The following ATF7IP variants were observed in gnomAD, a reference collection of about 807,000 sequenced individuals.
ATF7IP encodes activating transcription factor 7 interacting protein.
A neutral mutation model predicts 106.4 loss-of-function variants in ATF7IP; 23 were observed. The ratio of observed to expected loss-of-function variants is 0.22; its 90% CI spans 0.16 to 0.31. ATF7IP has a LOEUF of 0.31. ATF7IP is among the 10% of genes least tolerant of loss of function. ATF7IP has a pLI of 1.00. For synonymous variants in ATF7IP, 542 were observed against 539.0 expected (o/e 1.01, Z -0.08); for missense variants, 1,334 against 1,524.3 (o/e 0.88, Z 2.08).
intron 13 of ATF7IP, among the ~76,000 whole-genome samples, chr12:14,489,338 G>T (rs1302315562): frequency 1.3e-5 from 2 of 152,182 alleles, no homozygotes; most frequent in South Asian, 4.1e-4. Context: ...TGACTTAAAG[G>T]TAGGAGGATC....
In ATF7IP at chr12:14,498,181, G is replaced by A; in HGVS notation, c.*108G>A. ...AAATCCACCTTGTGCAAGATTTCTT[G>A]GACAGATGTGTGTATACACTACATT... On this transcript the variant is annotated 3_prime_UTR_variant, in exon 15 of 15. Transcript: ENST00000261168. The A allele has an allele frequency of 9.3e-7, 1 of 1,076,000 alleles. No individual in the cohort carries two copies. The highest frequency in any genetic ancestry group is 1.3e-6 in the Non-Finnish European group (1 of 746,582). 66.7% of individuals were successfully genotyped at this position (1,076,000 alleles called of 1,614,324 possible). A position where few individuals can be genotyped will look rare whatever the true frequency, so the allele number is the denominator to read the frequency against.
Position 14,424,102 on chromosome 12 carries a change from G to A in ATF7IP, c.187G>A (p.Asp63Asn). The A allele has an allele frequency of 6.2e-7, 1 of 1,614,152 alleles. No homozygotes were observed. Among genetic ancestry groups the A allele is most frequent in the Non-Finnish European group, 8.5e-7 (1 of 1,180,030 alleles). Residue 63 changes from aspartate (D) to asparagine (N), a missense_variant, in exon 2 of 15, where the codon GAT (aspartate) becomes AAT (asparagine). Around this residue, in one of 10 missense-constraint regions of ATF7IP, gnomAD observed 74 missense variants for 101.9 expected, o/e 0.73. Transcript: ENST00000261168. ...LDPTSPLENMDYIKDKEEVNG... is the reference protein window; with the variant it reads ...LDPTSPLENMNYIKDKEEVNG... ...CCCAACCTCACCTTTGGAAAACATG[G>A]ATTACATTAAAGACAAGGAAGAGGT...
At chr12:14,378,879 A>T (rs1249805653) in intron 1 of ATF7IP, among the ~76,000 whole-genome samples, 1 of 152,230 alleles carries the variant, frequency 6.6e-6, no homozygotes, top group Non-Finnish European at 1.5e-5. Context: ...TTTATTTAAA[A>T]GACTTAATTT....
rs558122003 is a variant in ATF7IP at position 14,393,737 on chromosome 12, C to T, written c.-8+27910C>T. On this transcript the variant is annotated intron_variant, in intron 1 of 14. Transcript: ENST00000261168. ...TCTTTTCATTTTGTTATTTCAGATGCGGGACTAAACTAGTTTCTGGATTGT... is the reference window on the plus strand; with the variant it reads ...TCTTTTCATTTTGTTATTTCAGATGTGGGACTAAACTAGTTTCTGGATTGT... Among the ~76,000 whole-genome samples the T allele has an allele frequency of 3.9e-5, 6 of 152,016 alleles. No individual in the cohort carries two copies. The East Asian group carries it at 5.8e-4, about 15-fold the overall frequency.
intron 1 of ATF7IP, among the ~76,000 whole-genome samples, chr12:14,390,908 A>G (rs1351908845): frequency 2.0e-5 from 3 of 152,268 alleles, no homozygotes; most frequent in Admixed American, 1.3e-4. Context: ...ACATTCAAAT[A>G]ATACCACGAC....
chr12:14,415,150 T>C (rs941457261), intron 1 of ATF7IP, among the ~76,000 whole-genome samples: 3 of 152,154 alleles, frequency 2.0e-5, no homozygotes, highest in Non-Finnish European at 4.4e-5. Flanking sequence ...ATAGGGATAG[T>C]AGAGTTTGGC....
chr12:14,475,796 C>G, intron 10 of ATF7IP, 94 bp from the exon 11 acceptor site: 1 of 897,778 alleles, frequency 1.1e-6, no homozygotes, highest in South Asian at 1.7e-5. Flanking sequence ...CCAGGTTACT[C>G]ATTAGTCTCA....
At chr12:14,473,272 C>T (rs1368759490) in intron 10 of ATF7IP, among the ~76,000 whole-genome samples, 7 of 43,174 alleles carry the variant, frequency 1.6e-4, no homozygotes, top group South Asian at 8.3e-4. Flanking sequence ...AGCTTTTTAG[C>T]GCGCTCTCTC....
chr12:14,479,420 CTTCTGT>C (rs1272700792), intron 12 of ATF7IP, among the ~76,000 whole-genome samples: 1 of 152,124 alleles, frequency 6.6e-6, no homozygotes, highest in Non-Finnish European at 1.5e-5. Context: ...CATGGTTTGT[CTTCTGT>C]ATAGCAGCAG....
intron 12 of ATF7IP, among the ~76,000 whole-genome samples, 172 bp from the exon 13 acceptor site, chr12:14,480,831 A>G (rs1474495136): frequency 6.6e-6 from 1 of 152,170 alleles, no homozygotes; most frequent in Non-Finnish European, 1.5e-5. Context: ...AATATTATTA[A>G]TGTTTATTGG....
chr12:14,482,656 C>T (rs1944468690), intron 13 of ATF7IP: 1 of 152,152 alleles, frequency 6.6e-6, no homozygotes, highest in Admixed American at 6.6e-5. Context: ...CCTTCCCCAG[C>T]CCACTGACTC....
intron 5 of ATF7IP, among the ~76,000 whole-genome samples, chr12:14,443,998 A>G (rs1407601396): frequency 6.6e-6 from 1 of 152,204 alleles, no homozygotes; most frequent in Non-Finnish European, 1.5e-5. Context: ...GGACAGAACC[A>G]GAAAACAGGA....
At chr12:14,383,333 C>T (rs1939077158) in intron 1 of ATF7IP, among the ~76,000 whole-genome samples, 1 of 152,136 alleles carries the variant, frequency 6.6e-6, no homozygotes, top group Admixed American at 6.6e-5. Context: ...AAGAAGATAT[C>T]ATCCATTTGA....
chr12:14,447,700 C>T (rs1378764865), intron 6 of ATF7IP, among the ~76,000 whole-genome samples: 2 of 152,244 alleles, frequency 1.3e-5, no homozygotes, highest in South Asian at 2.1e-4. Context: ...AGTATGGTCT[C>T]TTACTATTTT....
intron 10 of ATF7IP, among the ~76,000 whole-genome samples, chr12:14,474,648 C>T (rs1944192079): frequency 6.6e-6 from 1 of 152,140 alleles, no homozygotes; most frequent in South Asian, 2.1e-4. Context: ...ATTTGCCTGC[C>T]TCAGCCAACC....
At chr12:14,487,551 G>T (rs1252051039) in intron 13 of ATF7IP, among the ~76,000 whole-genome samples, 1 of 152,122 alleles carries the variant, frequency 6.6e-6, no homozygotes, top group Non-Finnish European at 1.5e-5. Flanking sequence ...GATCAGGGAG[G>T]GTACGTTGCC....
At position 14,425,032 on chromosome 12, in the gene ATF7IP, G is replaced by A; in HGVS notation, c.1117G>A (p.Glu373Lys). The change falls in exon 2 of 15, where the codon GAA becomes AAA. Residue 373 changes from glutamate to lysine, a missense_variant. Transcript: ENST00000261168. ...TCCTGAAAATGAAAAGAAGGTAGAG[G>A]AAGATATTATCACAGAGCTTGCTCT... ...RPPENEKKVEEDIITELALGE... is the reference protein window; with the variant it reads ...RPPENEKKVEKDIITELALGE... 2 of 1,611,000 alleles carry A rather than the reference G, an allele frequency of 1.2e-6. No homozygotes were observed.
At chr12:14,375,259 A>C (rs1938691377) in intron 1 of ATF7IP, among the ~76,000 whole-genome samples, 1 of 152,042 alleles carries the variant, frequency 6.6e-6, no homozygotes, top group East Asian at 1.9e-4. Flanking sequence ...GCAAATACCC[A>C]CATGATGAAT....
chr12:14,486,640 C>T (rs987845011), intron 13 of ATF7IP, among the ~76,000 whole-genome samples: 2 of 152,284 alleles, frequency 1.3e-5, no homozygotes, highest in South Asian at 2.1e-4. Flanking sequence ...TCTAGGAACA[C>T]TGTGATTAAT....
Sources: gnomAD v4.1 joint callset for allele counts (sites outside exome capture counted in the v4.1 genomes callset) on GRCh38, gnomAD v4.1.1 for gene constraint, gnomAD v4.1.1 regional missense constraint, MANE v1.5 for transcripts, NCBI Gene and HGNC (gene_info 2026-07-23, HGNC 2026-07-21) for gene names.